The following CHSY3 variants were observed in gnomAD, a reference collection of about 807,000 sequenced individuals.
The protein encoded by CHSY3 is chondroitin sulfate synthase 3.
A neutral mutation model predicts 67.2 loss-of-function variants in CHSY3; 35 were observed. The ratio of observed to expected loss-of-function variants is 0.52; its 90% CI spans 0.40 to 0.69. CHSY3 has a LOEUF of 0.69. CHSY3 is among the 30% of genes least tolerant of loss of function. The probability of loss-of-function intolerance (pLI) is 0.00; values close to 1 mark genes in which losing one functional copy is unlikely to be tolerated. For missense variants in CHSY3, 1,069 were observed against 1,138.5 expected (o/e 0.94, Z 0.88); for synonymous variants, 474 against 434.7 (o/e 1.09, Z -1.12).
chr5:129,998,202 A>G (rs1398091850), intron 2 of CHSY3, among the ~76,000 whole-genome samples: 1 of 151,908 alleles, frequency 6.6e-6, no homozygotes, highest in Non-Finnish European at 1.5e-5. Context: ...ATGCTAGCCT[A>G]TATGTATGTG....
intron 2 of CHSY3, chr5:130,141,450 C>A: frequency 2.8e-6 from 1 of 357,424 alleles, no homozygotes. Context: ...ATTTAAGTCA[C>A]TTTTGATATT....
chr5:129,913,968 T>C (rs1213967168), intron 2 of CHSY3, among the ~76,000 whole-genome samples: 5 of 152,254 alleles, frequency 3.3e-5, no homozygotes. Flanking sequence ...AGTGTTTTCC[T>C]GAGCTTGTAA....
At chr5:130,140,632 T>C (rs1387754091) in intron 2 of CHSY3, 2 of 405,950 alleles carry the variant, frequency 4.9e-6, no homozygotes, top group Non-Finnish European at 8.7e-6. Flanking sequence ...ATGGCACTTT[T>C]GATGTGTCAA....
intron 2 of CHSY3, among the ~76,000 whole-genome samples, chr5:129,941,946 G>C (rs1290494318): frequency 6.6e-6 from 1 of 152,124 alleles, no homozygotes; most frequent in African/African-American, 2.4e-5. Context: ...AATGTATTTA[G>C]TGGTTTATTA....
chr5:130,167,776 C>G (rs1158748160), intron 2 of CHSY3, among the ~76,000 whole-genome samples: 1 of 152,022 alleles, frequency 6.6e-6, no homozygotes, highest in Non-Finnish European at 1.5e-5. Context: ...CTTTAGAGTG[C>G]AAGAGATTTC....
At chr5:130,134,048 A>G (rs148735245) in intron 2 of CHSY3, among the ~76,000 whole-genome samples, 139 of 152,294 alleles carry the variant, frequency 9.1e-4, no homozygotes, top group African/African-American at 1.8e-3. Context: ...TTTTTCCACT[A>G]ATTTTTTAAG....
chr5:129,928,519 T>G lies in CHSY3; in HGVS notation c.1086+20159T>G, dbSNP rs982751193. Among the ~76,000 whole-genome samples, 4 of 152,092 alleles carry G rather than the reference T, an allele frequency of 2.6e-5. No individual in the cohort carries two copies. The East Asian group carries it at 7.8e-4, about 29-fold the overall frequency. On this transcript the variant is annotated intron_variant, in intron 2 of 2. Transcript: ENST00000305031. ...TTAACACTTAAGGTATCATGTAACTTGTGGAGGAAATGGCAGTTGGAACAA... is the reference window on the plus strand; with the variant it reads ...TTAACACTTAAGGTATCATGTAACTGGTGGAGGAAATGGCAGTTGGAACAA...
chr5:130,018,183 C>T (rs558748232), intron 2 of CHSY3, among the ~76,000 whole-genome samples: 1 of 151,924 alleles, frequency 6.6e-6, no homozygotes. Context: ...ATCTTATTTT[C>T]TACAAAAAAG....
chr5:130,043,726 T>C (rs555928306), intron 2 of CHSY3, among the ~76,000 whole-genome samples: 81 of 149,974 alleles, frequency 5.4e-4, no homozygotes, highest in African/African-American at 1.9e-3. Flanking sequence ...AGAATTAGTT[T>C]AAGAAATCAT....
intron 2 of CHSY3, among the ~76,000 whole-genome samples, chr5:130,112,548 T>G (rs1374506913): frequency 6.6e-6 from 1 of 152,036 alleles, no homozygotes; most frequent in Non-Finnish European, 1.5e-5. Context: ...GCCAACGAAT[T>G]TTACTGTATT....
At chr5:130,160,968 G>C (rs1220079958) in intron 2 of CHSY3, among the ~76,000 whole-genome samples, 7 of 149,914 alleles carry the variant, frequency 4.7e-5, no homozygotes, top group Non-Finnish European at 8.9e-5. Flanking sequence ...GCAGTGGCGC[G>C]ATCTCGGCTC....
At position 130,082,825 on chromosome 5, in the gene CHSY3, A is replaced by T. The variant is rs779913444; in HGVS notation, c.1087-101404A>T. ...TACTTGTACACGCTTAAGTGACAGT[A>T]GTCCTCCTGAAATGTTGGAGCACTA... On this transcript the variant is annotated intron_variant, in intron 2 of 2. Coordinates refer to ENST00000305031, the MANE Select transcript of CHSY3 (RefSeq NM_175856.5). Among the ~76,000 whole-genome samples the T allele has an allele frequency of 3.1e-4, 47 of 152,010 alleles. 1 individual carries two copies. The highest frequency in any genetic ancestry group is 6.2e-4 in the Non-Finnish European group (42 of 67,942).
Position 130,005,804 on chromosome 5 carries a change from T to A in CHSY3, c.1086+97444T>A, listed in dbSNP as rs1039384894. ...TGTCATTCTGTCTGAAATATTTAAT[T>A]GAAAGAGGAATGTAATTGACATATA... On this transcript the variant is annotated intron_variant, in intron 2 of 2. Transcript: ENST00000305031. Among the ~76,000 whole-genome samples, 4 of 152,226 alleles carry A rather than the reference T, an allele frequency of 2.6e-5. No individual in the cohort carries two copies. In the South Asian group the frequency reaches 8.3e-4, roughly 31 times the overall value.
In CHSY3 at chr5:130,024,137, C is replaced by CAAAAA. The variant is rs5871376; in HGVS notation, c.1086+115790_1086+115794dup. On this transcript the variant is annotated intron_variant, in intron 2 of 2. Coordinates refer to ENST00000305031, the MANE Select transcript of CHSY3 (RefSeq NM_175856.5). ...CTCATCCTTCCCTATGATTGATGGT[C>CAAAAA]AAAAAAAAAAAAAAAAAGCCTGTCT... 4.3e-3 allele frequency among the ~76,000 whole-genome samples: 471 copies of CAAAAA among 109,894 alleles called. 9 individuals carry two copies. Among genetic ancestry groups the CAAAAA allele is most frequent in the African/African-American group, 0.013 (367 of 28,748 alleles). The allele number at this position is 109,894 out of a possible 152,430, so 72.1% of individuals were successfully genotyped here.
chr5:129,924,862 C>T (rs527765144), intron 2 of CHSY3, among the ~76,000 whole-genome samples: 1 of 152,152 alleles, frequency 6.6e-6, no homozygotes, highest in East Asian at 1.9e-4. Context: ...CCTTTTTAGA[C>T]TACTAAAAAA....
At chr5:130,011,563 A>G (rs1764062147) in intron 2 of CHSY3, among the ~76,000 whole-genome samples, 2 of 152,234 alleles carry the variant, frequency 1.3e-5, no homozygotes, top group Admixed American at 1.3e-4. Context: ...GAACTGGAAC[A>G]AGGCGAAGAT....
chr5:129,941,098 G>C (rs1761683682), intron 2 of CHSY3, among the ~76,000 whole-genome samples: 2 of 152,270 alleles, frequency 1.3e-5, no homozygotes, highest in South Asian at 4.1e-4. Flanking sequence ...GCACAGAGCT[G>C]TGATCCCATG....
At chr5:129,989,451 G>T (rs985435224) in intron 2 of CHSY3, among the ~76,000 whole-genome samples, 2 of 151,894 alleles carry the variant, frequency 1.3e-5, no homozygotes, top group African/African-American at 4.8e-5. Flanking sequence ...GTAGAGACTT[G>T]TTCTTTTATT....
At chr5:129,937,445 G>A (rs1188609294) in intron 2 of CHSY3, among the ~76,000 whole-genome samples, 1 of 152,162 alleles carries the variant, frequency 6.6e-6, no homozygotes, top group Non-Finnish European at 1.5e-5. Context: ...CATGAGATAT[G>A]GGTAGAGACA....
Sources: allele counts gnomAD v4.1 joint callset (sites outside exome capture counted in the v4.1 genomes callset), GRCh38; gene constraint gnomAD v4.1.1; transcripts MANE v1.5; gene names NCBI Gene and HGNC (gene_info 2026-07-23, HGNC 2026-07-21).